The following KIF26B variants were observed in gnomAD, a reference collection of about 807,000 sequenced individuals.
KIF26B encodes kinesin family member 26B.
Under a neutral mutation model 151.2 loss-of-function variants are expected in KIF26B, and 63 were observed. The observed-to-expected ratio is 0.42, with a 90% CI of 0.34 to 0.51. The LOEUF (loss-of-function observed/expected upper bound fraction) is 0.51, where lower values mean the gene tolerates loss of function less well. Ranked by LOEUF, KIF26B falls within the 20% of genes least tolerant of loss-of-function variation. KIF26B has a pLI of 0.07. For synonymous variants in KIF26B, 1,357 were observed against 1,262.1 expected, an observed-to-expected ratio of 1.08 and a Z score of -1.59; for missense variants, 2,813 against 2,913.6, an observed-to-expected ratio of 0.97 and a Z score of 0.79.
At chr1:245,163,717 A>G (rs1668569353) in intron 2 of KIF26B, among the ~76,000 whole-genome samples, 6 of 152,088 alleles carry the variant, frequency 3.9e-5, no homozygotes, top group African/African-American at 1.4e-4. Flanking sequence ...GGCTTTGCAC[A>G]TTTCTTGTTA....
intron 4 of KIF26B, among the ~76,000 whole-genome samples, chr1:245,460,259 C>A (rs530160087): frequency 6.6e-6 from 1 of 152,298 alleles, no homozygotes; most frequent in East Asian, 1.9e-4. Context: ...AGCCACCACG[C>A]CTGGCCCAGA....
At chr1:245,302,103 A>G (rs937800021) in intron 2 of KIF26B, among the ~76,000 whole-genome samples, 1 of 152,228 alleles carries the variant, frequency 6.6e-6, no homozygotes, top group African/African-American at 2.4e-5. Context: ...CTGTTGTCAT[A>G]ACATTCGTGA....
At chr1:245,366,252 G>T (rs1403634240) in intron 2 of KIF26B, among the ~76,000 whole-genome samples, 1 of 152,180 alleles carries the variant, frequency 6.6e-6, no homozygotes, top group Non-Finnish European at 1.5e-5. Flanking sequence ...GAATGTTCTT[G>T]CCAGGCATGG....
rs1196872165 is a variant in KIF26B, at chr1:245,227,863, A to T, written c.465+71180A>T. ...TAAAAATACAAAAAATTAGCCGGGC[A>T]TGGTGGCGGGCACCTGTAATCCCAG... is the stretch of plus-strand genomic sequence containing the variant. On this transcript the variant is annotated intron_variant, in intron 2 of 14. Transcript: ENST00000407071. This position sits in a 1 kb window ranked among gnomAD's most constrained non-coding sequence, Gnocchi z 4.1. 6.6e-6 allele frequency among the ~76,000 whole-genome samples: 1 copy of T among 151,924 alleles called. No individual in the cohort carries two copies. Among genetic ancestry groups the T allele is most frequent in the Non-Finnish European group, 1.5e-5 (1 of 67,974 alleles).
At chr1:245,608,579 G>A (rs571351952) in intron 7 of KIF26B, among the ~76,000 whole-genome samples, 90 of 152,308 alleles carry the variant, frequency 5.9e-4, no homozygotes, top group African/African-American at 2.0e-3. Context: ...AGGATATAAA[G>A]TGTGAATATG....
intron 2 of KIF26B, among the ~76,000 whole-genome samples, chr1:245,339,523 T>C (rs766472633): frequency 1.3e-5 from 2 of 151,960 alleles, no homozygotes; most frequent in Non-Finnish European, 2.9e-5. Flanking sequence ...AGATTGTAGA[T>C]TCCTATGGGT....
chr1:245,253,800 C>CTTTTTTTTT lies in KIF26B; in HGVS notation c.465+97136_465+97144dup, dbSNP rs5782330. Among the ~76,000 whole-genome samples, 45 of 72,172 alleles carry CTTTTTTTTT rather than the reference C, an allele frequency of 6.2e-4. 1 individual carries two copies. Among genetic ancestry groups the CTTTTTTTTT allele is most frequent in the African/African-American group, 2.6e-3 (43 of 16,384 alleles). 47.3% of individuals were successfully genotyped at this position (72,172 alleles called of 152,430 possible). ...CCTGTCTATAGACTTTGAAGTCCTG[C>CTTTTTTTTT]TTTTTTTTTTTTTTTTTTTTTTTTT... On this transcript the variant is annotated intron_variant, in intron 2 of 14. Transcript: ENST00000407071.
In KIF26B at chr1:245,203,255, A is replaced by AAAAAAGAAAAG. The variant is rs61541280; in HGVS notation, c.465+46576_465+46577insAGAAAAGAAAA. On this transcript the variant is annotated intron_variant, in intron 2 of 14. Transcript: ENST00000407071. ...GAGCGCGACTCTGTCTCAAAAAAAA[A>AAAAAAGAAAAG]AAAAGAAAATGAGTTAAAGTTACAA... Among the ~76,000 whole-genome samples, 110 of 129,720 alleles carry AAAAAAGAAAAG rather than the reference A, an allele frequency of 8.5e-4. 4 individuals are homozygous for AAAAAAGAAAAG. Among genetic ancestry groups the AAAAAAGAAAAG allele is most frequent in the African/African-American group, 3.2e-3 (107 of 33,244 alleles). 85.1% of individuals were successfully genotyped at this position (129,720 alleles called of 152,430 possible). A position where few individuals can be genotyped will look rare whatever the true frequency, so the allele number is the denominator to read the frequency against.
chr1:245,666,683 G>A (rs1210518014), intron 10 of KIF26B, among the ~76,000 whole-genome samples: 1 of 152,058 alleles, frequency 6.6e-6, no homozygotes, highest in Non-Finnish European at 1.5e-5. Flanking sequence ...TGACGCTTGT[G>A]GCCCTTTTTG....
At position 245,226,525 on chromosome 1, in the gene KIF26B, C is replaced by T. The variant is rs541020431; in HGVS notation, c.465+69842C>T. Reference sequence around the variant, plus strand: ...TTGCCCAGGCTAGAGTGCAATGGCGCGATCTCGGCTCCCTGCAACCTCCTT... The same window carrying T: ...TTGCCCAGGCTAGAGTGCAATGGCGTGATCTCGGCTCCCTGCAACCTCCTT... On this transcript the variant is annotated intron_variant, in intron 2 of 14. Coordinates refer to ENST00000407071, the MANE Select transcript of KIF26B (RefSeq NM_018012.4). Among the ~76,000 whole-genome samples the T allele has an allele frequency of 9.2e-5, 14 of 152,050 alleles. No individual in the cohort carries two copies. The East Asian group carries it at 2.1e-3, about 23-fold the overall frequency.
intron 2 of KIF26B, among the ~76,000 whole-genome samples, chr1:245,206,059 G>A (rs1669400337): frequency 6.6e-6 from 1 of 152,068 alleles, no homozygotes; most frequent in Non-Finnish European, 1.5e-5. Flanking sequence ...TTTTCTGATT[G>A]CTGGTCTTTG....
At chr1:245,695,911 G>A (rs1024593936) in intron 12 of KIF26B, among the ~76,000 whole-genome samples, 1 of 144,182 alleles carries the variant, frequency 6.9e-6, no homozygotes, top group Admixed American at 7.0e-5. Context: ...CAGCTCACAC[G>A]GTGCCCTGGC....
chr1:245,242,934 G>A (rs1487499672), intron 2 of KIF26B, among the ~76,000 whole-genome samples: 2 of 152,178 alleles, frequency 1.3e-5, no homozygotes, highest in Admixed American at 6.5e-5. Flanking sequence ...ACAGGCATGA[G>A]CCACCGCGCC....
intron 2 of KIF26B, among the ~76,000 whole-genome samples, chr1:245,340,273 G>A (rs1416337607): frequency 6.6e-6 from 1 of 152,122 alleles, no homozygotes; most frequent in Admixed American, 6.5e-5. Context: ...CTGAAATGAT[G>A]CCTAGATTAC....
intron 9 of KIF26B, among the ~76,000 whole-genome samples, chr1:245,626,402 G>GGT (rs140707331): frequency 4.0e-5 from 6 of 148,746 alleles, no homozygotes; most frequent in African/African-American, 1.5e-4. Flanking sequence ...TTCATGGTGG[G>GGT]TTTTTTTTTT....
intron 4 of KIF26B, among the ~76,000 whole-genome samples, chr1:245,517,340 G>A (rs1660991066): frequency 6.6e-6 from 1 of 151,166 alleles, no homozygotes. Flanking sequence ...GGGTGAGAGA[G>A]TGAGACTCTG....
intron 2 of KIF26B, among the ~76,000 whole-genome samples, chr1:245,214,730 G>A (rs946426596): frequency 1.3e-5 from 2 of 152,000 alleles, no homozygotes; most frequent in Non-Finnish European, 2.9e-5. Flanking sequence ...ATCCCAACTA[G>A]TTGGGAGGCT....
At chr1:245,497,546 G>A (rs1660538113) in intron 4 of KIF26B, among the ~76,000 whole-genome samples, 1 of 151,830 alleles carries the variant, frequency 6.6e-6, no homozygotes, top group Non-Finnish European at 1.5e-5. Flanking sequence ...ATAACCAACA[G>A]GTTAAAGAAG....
chr1:245,540,568 T>C lies in KIF26B; in HGVS notation c.1167-199T>C. On this transcript the variant is annotated intron_variant, in intron 4 of 14. Coordinates refer to ENST00000407071, the MANE Select transcript of KIF26B (RefSeq NM_018012.4). This position sits in a 1 kb window ranked among gnomAD's most constrained non-coding sequence, Gnocchi z 4.6. Reference sequence around the variant, plus strand: ...CTATTTTATGGCTTTGTTTTTCCTTTTGTCGTATAAATGATTGGGTAGCTC... The same window carrying C: ...CTATTTTATGGCTTTGTTTTTCCTTCTGTCGTATAAATGATTGGGTAGCTC... 1 of 711,846 alleles carries C rather than the reference T, an allele frequency of 1.4e-6. No homozygotes were observed. The allele number at this position is 711,846 out of a possible 1,614,324, so 44.1% of individuals were successfully genotyped here.
Sources: allele counts gnomAD v4.1 joint callset (sites outside exome capture counted in the v4.1 genomes callset), GRCh38; gene constraint gnomAD v4.1.1; non-coding constraint Gnocchi (gnomAD v3.1); transcripts MANE v1.5; gene names NCBI Gene and HGNC (gene_info 2026-07-23, HGNC 2026-07-21).